Variants in TTBK1 observed in about 807,000 individuals in gnomAD.
TTBK1 encodes the protein tau-tubulin kinase 1.
Under a neutral mutation model 108.5 loss-of-function variants are expected in TTBK1, and 34 were observed. The ratio of observed to expected loss-of-function variants is 0.31; its 90% CI spans 0.24 to 0.42. The LOEUF (loss-of-function observed/expected upper bound fraction) is 0.42. Among genes scored for constraint, TTBK1 ranks in the 10% least tolerant of loss-of-function variants. The pLI is 1.00. For synonymous variants in TTBK1, 809 were observed against 795.1 expected (o/e 1.02, Z -0.29); for missense variants, 1,539 against 1,826.0 (o/e 0.84, Z 2.86).
At position 43,282,718 on chromosome 6, in the gene TTBK1, C is replaced by T; in HGVS notation, c.1987-9C>T. ...GACCTCAGAGGGTCCCTGTGTATGC[C>T]CCTTGCAGGTGTTCTCCGTGGCGCC... On this transcript the variant is annotated splice_polypyrimidine_tract_variant and intron_variant, in intron 13 of 14. Coordinates refer to ENST00000259750, the MANE Select transcript of TTBK1 (RefSeq NM_032538.3). The surrounding 1 kb of genome is among the most constrained non-coding windows in gnomAD (Gnocchi z 5.4). The T allele has an allele frequency of 6.3e-7, 1 of 1,590,842 alleles. No individual in the cohort carries two copies. The highest frequency in any genetic ancestry group is 1.7e-4 in the Middle Eastern group (1 of 5,854).
chr6:43,253,236 T>C lies in TTBK1; in HGVS notation c.257-55T>C. 6.9e-6 allele frequency: 11 copies of C among 1,591,792 alleles called. No homozygotes were observed. The highest frequency in any genetic ancestry group is 9.5e-6 in the Non-Finnish European group (11 of 1,160,288). On this transcript the variant is annotated intron_variant, in intron 3 of 14. Coordinates refer to ENST00000259750, the MANE Select transcript of TTBK1 (RefSeq NM_032538.3). This position sits in a 1 kb window ranked among gnomAD's most constrained non-coding sequence, Gnocchi z 5.8. ...AGTGCACTAGGAACCCATCTTAGGG[T>C]TGGAAATGAGGAAGAAAGAGTAAGA...
intron 13 of TTBK1, chr6:43,271,320 G>A: frequency 1.0e-6 from 1 of 985,474 alleles, no homozygotes; most frequent in South Asian, 4.7e-5. Flanking sequence ...ATGTGGAAGG[G>A]CTGCCATGGA....
intron 3 of TTBK1, 37 bp downstream of exon 3, chr6:43,252,923 T>C (rs1777282790): frequency 6.2e-7 from 1 of 1,608,734 alleles, no homozygotes; most frequent in Non-Finnish European, 8.5e-7. Context: ...AAGGAAGAGA[T>C]GATGAAGCCA....
intron 13 of TTBK1, among the ~76,000 whole-genome samples, chr6:43,278,797 G>C (rs1778074172): frequency 6.6e-6 from 1 of 152,208 alleles, no homozygotes. Context: ...CTCTGAGGAG[G>C]GAGGAATTTG....
chr6:43,259,302 C>T lies in TTBK1; in HGVS notation c.1248+33C>T, dbSNP rs375386258. 277 of 1,500,416 alleles carry T rather than the reference C, an allele frequency of 1.8e-4. No homozygotes were observed. Among genetic ancestry groups the T allele is most frequent in the Non-Finnish European group, 2.3e-4 (255 of 1,114,644 alleles). The allele number at this position is 1,500,416 out of a possible 1,614,324, so 92.9% of individuals were successfully genotyped here. On this transcript the variant is annotated intron_variant, in intron 11 of 14. Transcript: ENST00000259750. This position sits in a 1 kb window ranked among gnomAD's most constrained non-coding sequence, Gnocchi z 6.7. ...CCGCCAGGGCGAAGGGCGTGGGTGG[C>T]CTTTTCTCTCACCCCCGATTCCCAG...
intron 1 of TTBK1, among the ~76,000 whole-genome samples, chr6:43,246,045 C>T (rs1056214147): frequency 1.3e-5 from 2 of 152,232 alleles, no homozygotes; most frequent in African/African-American, 4.8e-5. Context: ...ACATCCATCC[C>T]CCTCAGTTAA....
chr6:43,243,712 A>AGGCGG lies in TTBK1; in HGVS notation c.-55+16_-55+20dup, dbSNP rs908487373. 3.3e-5 allele frequency: 5 copies of AGGCGG among 151,128 alleles called. No individual in the cohort carries two copies. Among genetic ancestry groups the AGGCGG allele is most frequent in the East Asian group, 3.9e-4 (2 of 5,122 alleles). 9.4% of individuals were successfully genotyped at this position (151,128 alleles called of 1,614,324 possible). A position where few individuals can be genotyped will look rare whatever the true frequency, so the allele number is the denominator to read the frequency against. ...AGCCGCAGCGGGCACAGAGCAGGTG[A>AGGCGG]GGCGGGGCGGGGCGGGCCGGGGTCG... On this transcript the variant is annotated splice_donor_region_variant and intron_variant, in intron 1 of 14. Coordinates refer to ENST00000259750, the MANE Select transcript of TTBK1 (RefSeq NM_032538.3). The surrounding 1 kb of genome is among the most constrained non-coding windows in gnomAD (Gnocchi z 5.5).
At chr6:43,275,177 C>T (rs1367387814) in intron 13 of TTBK1, among the ~76,000 whole-genome samples, 1 of 152,168 alleles carries the variant, frequency 6.6e-6, no homozygotes, top group African/African-American at 2.4e-5. Flanking sequence ...CGCAGCCGGA[C>T]CCCCGCAGGT....
intron 2 of TTBK1, 43 bp from the exon 3 acceptor site, chr6:43,252,696 T>C (rs937476555): frequency 6.2e-7 from 1 of 1,610,788 alleles, no homozygotes; most frequent in Admixed American, 1.7e-5. Flanking sequence ...GAGGAGCTGT[T>C]CAGCCTGATC....
Position 43,253,401 on chromosome 6 carries a change from A to C in TTBK1, c.330+37A>C. ...TGGCCCATCCTCGCTCCCCTCTCTA[A>C]GAGCTTGGGCTGTGACTCCAGGGTA... On this transcript the variant is annotated intron_variant, in intron 4 of 14. Transcript: ENST00000259750. The surrounding 1 kb of genome is among the most constrained non-coding windows in gnomAD (Gnocchi z 5.8). The C allele has an allele frequency of 6.2e-7, 1 of 1,611,964 alleles. No individual in the cohort carries two copies. The highest frequency in any genetic ancestry group is 8.5e-7 in the Non-Finnish European group (1 of 1,178,346).
rs3823424 is a variant in TTBK1 at position 43,284,394 on chromosome 6, C to T, written c.3572+82C>T. ...GGAGGGGCTTCTCCAGAACCAAGGT[C>T]AGGGGCTATGGAAGATCAGGAGGGA... On this transcript the variant is annotated intron_variant, in intron 14 of 14. Coordinates refer to ENST00000259750, the MANE Select transcript of TTBK1 (RefSeq NM_032538.3). 6.5e-6 allele frequency: 9 copies of T among 1,381,362 alleles called. No homozygotes were observed. The Middle Eastern group carries it at 9.8e-4, about 151-fold the overall frequency. The allele number at this position is 1,381,362 out of a possible 1,614,324, so 85.6% of individuals were successfully genotyped here.
chr6:43,276,345 C>T lies in TTBK1; in HGVS notation c.1987-6382C>T, dbSNP rs892684891. On this transcript the variant is annotated intron_variant, in intron 13 of 14. Coordinates refer to ENST00000259750, the MANE Select transcript of TTBK1 (RefSeq NM_032538.3). The surrounding 1 kb of genome is among the most constrained non-coding windows in gnomAD (Gnocchi z 5.4). Reference sequence around the variant, plus strand: ...CTCTCTCTCTCCGGGGTGCGTCCTCCTTAGTGTACATAGCGGCGTCGGGGG... The same window carrying T: ...CTCTCTCTCTCCGGGGTGCGTCCTCTTTAGTGTACATAGCGGCGTCGGGGG... Among the ~76,000 whole-genome samples, 1 of 152,176 alleles carries T rather than the reference C, an allele frequency of 6.6e-6. No homozygotes were observed. Among genetic ancestry groups the T allele is most frequent in the East Asian group, 1.9e-4 (1 of 5,190 alleles).
chr6:43,259,596 C>T lies in TTBK1; in HGVS notation c.1314C>T (p.Pro438=), dbSNP rs551962191. 1.5e-5 allele frequency: 24 copies of T among 1,611,598 alleles called. No homozygotes were observed. Among genetic ancestry groups the T allele is most frequent in the Non-Finnish European group, 2.0e-5 (23 of 1,179,214 alleles). ...MGVPSSPVRA[P]PDSPTTPVRS... is the part of the protein sequence containing the mutation. ...TCCCCAGCTCCCCAGTGCGTGCCCCCCCAGACTCCCCCACAACCCCAGTCC... is the reference window on the plus strand; with the variant it reads ...TCCCCAGCTCCCCAGTGCGTGCCCCTCCAGACTCCCCCACAACCCCAGTCC... The change falls in exon 12 of 15, where the codon CCC becomes CCT. Residue 438 remains proline (P), a synonymous_variant. Transcript: ENST00000259750. The surrounding 1 kb of genome is among the most constrained non-coding windows in gnomAD (Gnocchi z 6.7).
chr6:43,271,480 T>C (rs976440344), intron 13 of TTBK1: 2 of 985,288 alleles, frequency 2.0e-6, no homozygotes, highest in African/African-American at 3.5e-5. Context: ...TATGCAGTCA[T>C]TGGTAGTTTC....
At position 43,285,551 on chromosome 6, in the gene TTBK1, G is replaced by C. The variant is rs1329718410; in HGVS notation, c.*175G>C. The C allele has an allele frequency of 4.9e-6, 4 of 822,868 alleles. No homozygotes were observed. The highest frequency in any genetic ancestry group is 1.3e-4 in the South Asian group (2 of 15,856). 51.0% of individuals were successfully genotyped at this position (822,868 alleles called of 1,614,324 possible). A position where few individuals can be genotyped will look rare whatever the true frequency, so the allele number is the denominator to read the frequency against. ...GCGAGCACACGCGGCGCCCCGCCAG[G>C]CCTTAGGGCCCGTGGGGGACGCGGC... On this transcript the variant is annotated 3_prime_UTR_variant, in exon 15 of 15. Transcript: ENST00000259750. The surrounding 1 kb of genome is among the most constrained non-coding windows in gnomAD (Gnocchi z 4.7).
At chr6:43,271,861 C>T in intron 13 of TTBK1, 2 of 984,828 alleles carry the variant, frequency 2.0e-6, no homozygotes, top group Non-Finnish European at 2.4e-6. Context: ...GGTTCTAATA[C>T]TTGTGCCCCA....
intron 13 of TTBK1, among the ~76,000 whole-genome samples, chr6:43,274,344 T>C (rs1437973992): frequency 6.6e-6 from 1 of 152,138 alleles, no homozygotes; most frequent in Non-Finnish European, 1.5e-5. Flanking sequence ...CCGGACTCGC[T>C]CTCTCTTCTG....
rs754382076 is a variant in TTBK1, at chr6:43,259,132, C to A, written c.1111C>A (p.Pro371Thr). The change falls in exon 11 of 15, where the codon CCC becomes ACC. Residue 371 changes from proline (P) to threonine (T), a missense_variant. Physicochemically the swap from Pro to Thr is conservative, Grantham distance 38. Around this residue, in one of 5 missense-constraint regions of TTBK1, gnomAD observed 277 missense variants for 332.4 expected, o/e 0.83. Transcript: ENST00000259750. The surrounding 1 kb of genome is among the most constrained non-coding windows in gnomAD (Gnocchi z 6.7). ...GCACCTGAGTGACCAGGAGAATGCA[C>A]CCCCAATTCTGCCCGGGAGGCCCTC... ...GEHLSDQENA[P>T]PILPGRPSEG... is the part of the protein sequence containing the mutation. 7 of 1,613,940 alleles carry A rather than the reference C, an allele frequency of 4.3e-6. No individual in the cohort carries two copies. In the African/African-American group the frequency reaches 6.7e-5, roughly 15 times the overall value.
intron 7 of TTBK1, 127 bp from the exon 8 acceptor site, chr6:43,255,424 AC>A: frequency 1.2e-6 from 1 of 833,092 alleles, no homozygotes. Context: ...CCTCAGGGAG[AC>A]CCCAGTTCTG....
Sources: allele counts gnomAD v4.1 joint callset (sites outside exome capture counted in the v4.1 genomes callset), GRCh38; gene constraint gnomAD v4.1.1; regional missense constraint gnomAD v4.1.1; non-coding constraint Gnocchi (gnomAD v3.1); transcripts MANE v1.5; gene names NCBI Gene and HGNC (gene_info 2026-07-23, HGNC 2026-07-21).